The following VWF variants were observed in gnomAD, a reference collection of about 807,000 sequenced individuals.
The protein encoded by VWF is Factor VIII related antigen.
VWF carries 176 observed loss-of-function variants against 308.6 expected under a neutral mutation model. That is an observed-to-expected ratio of 0.57 (90% confidence interval 0.50 to 0.65). The LOEUF (loss-of-function observed/expected upper bound fraction) is 0.65, where lower values mean the gene tolerates loss of function less well. Among genes scored for constraint, VWF ranks in the 30% least tolerant of loss-of-function variants. VWF has a pLI of 0.00. For synonymous variants in VWF, 1,385 were observed against 1,443.4 expected (o/e 0.96, Z 0.92); for missense variants, 3,146 against 3,648.2 (o/e 0.86, Z 3.55).
chr12:6,009,620 C>A (rs1943969347), intron 34 of VWF, among the ~76,000 whole-genome samples: 1 of 152,196 alleles, frequency 6.6e-6, no homozygotes, highest in Admixed American at 6.5e-5. Flanking sequence ...AATCCCACTT[C>A]TGGGTATTCA....
At chr12:5,964,324 C>A (rs969696104) in intron 47 of VWF, among the ~76,000 whole-genome samples, 1 of 133,068 alleles carries the variant, frequency 7.5e-6, no homozygotes, top group African/African-American at 2.9e-5. Flanking sequence ...CTACCATCTA[C>A]TGTCTCATCA....
chr12:6,047,855 C>T (rs193140532), intron 16 of VWF, among the ~76,000 whole-genome samples: 2 of 152,376 alleles, frequency 1.3e-5, no homozygotes, highest in East Asian at 1.9e-4. Context: ...TTGTCACCTG[C>T]TCCTTACCAC....
rs1000792103 is a variant in VWF, at chr12:6,011,882, T to C, written c.5665-88A>G. 7.0e-6 allele frequency: 10 copies of C among 1,431,720 alleles called. No homozygotes were observed. The African/African-American group carries it at 1.0e-4, about 14-fold the overall frequency. The allele number at this position is 1,431,720 out of a possible 1,614,324, so 88.7% of individuals were successfully genotyped here. A position where few individuals can be genotyped will look rare whatever the true frequency, so the allele number is the denominator to read the frequency against. On this transcript the variant is annotated intron_variant, in intron 33 of 51. Transcript: ENST00000261405. ...TCTGCCAGACAACTGACCCCTAGAA[T>C]TGAACACAGGCCTACACAGCAAGGA...
chr12:6,045,090 C>A (rs1397511279), intron 17 of VWF, among the ~76,000 whole-genome samples: 1 of 152,180 alleles, frequency 6.6e-6, no homozygotes, highest in Non-Finnish European at 1.5e-5. Flanking sequence ...AGCCACTGGG[C>A]CCACTAGAAC....
rs1346901019 is a variant in VWF at position 6,103,445 on chromosome 12, T to C, written c.532+6929A>G. ...GTGTATACACACGTGTGTATATACA[T>C]ACACATATATGTGTATATACACATA... On this transcript the variant is annotated intron_variant, in intron 5 of 51. Coordinates refer to ENST00000261405, the MANE Select transcript of VWF (RefSeq NM_000552.5). Among the ~76,000 whole-genome samples the C allele has an allele frequency of 1.6e-4, 16 of 101,724 alleles. 1 individual carries two copies. The highest frequency in any genetic ancestry group is 4.3e-3 in the Middle Eastern group (1 of 230). The allele number at this position is 101,724 out of a possible 152,430, so 66.7% of individuals were successfully genotyped here.
intron 50 of VWF, among the ~76,000 whole-genome samples, chr12:5,951,055 T>C (rs986262640): frequency 6.7e-5 from 10 of 148,350 alleles, no homozygotes; most frequent in African/African-American, 2.4e-4. Flanking sequence ...CATGGACCTG[T>C]GAACCCAGGG....
rs535330734 is a variant in VWF at position 6,084,301 on chromosome 12, C to A, written c.658-8750G>T. Among the ~76,000 whole-genome samples, 3 of 152,330 alleles carry A rather than the reference C, an allele frequency of 2.0e-5. No homozygotes were observed. The East Asian group carries it at 5.8e-4, about 29-fold the overall frequency. ...CAAAACAAGGGCCAGCTAATTTGCACACTTCCAGCATCTCCCTGGCTCCAA... is the reference window on the plus strand; with the variant it reads ...CAAAACAAGGGCCAGCTAATTTGCAAACTTCCAGCATCTCCCTGGCTCCAA... On this transcript the variant is annotated intron_variant, in intron 6 of 51. Transcript: ENST00000261405.
chr12:6,055,513 G>C (rs1050310816), intron 15 of VWF, among the ~76,000 whole-genome samples: 1 of 152,090 alleles, frequency 6.6e-6, no homozygotes, highest in African/African-American at 2.4e-5. Context: ...CCCAGAGCTG[G>C]AGGAATGGGG....
intron 6 of VWF, among the ~76,000 whole-genome samples, chr12:6,082,420 A>C (rs1486074089): frequency 6.6e-6 from 1 of 152,196 alleles, no homozygotes; most frequent in Non-Finnish European, 1.5e-5. Flanking sequence ...ATTTTTTAAG[A>C]GTATACAGGG....
intron 3 of VWF, among the ~76,000 whole-genome samples, 194 bp from the exon 4 acceptor site, chr12:6,111,162 G>A (rs762517823): frequency 6.6e-6 from 1 of 152,016 alleles, no homozygotes; most frequent in African/African-American, 2.4e-5. Context: ...AATAATTATT[G>A]AGTGACTTCT....
intron 5 of VWF, chr12:6,096,094 AGGATGGATGGATAGAT>A (rs1215927156): frequency 2.0e-4 from 34 of 173,184 alleles, no homozygotes; most frequent in African/African-American, 8.1e-4. Context: ...AGACTGAAGA[AGGATGGATGGATAGAT>A]GGATGGATGG....
intron 34 of VWF, among the ~76,000 whole-genome samples, chr12:6,008,349 T>C (rs1006599690): frequency 6.6e-6 from 1 of 152,104 alleles, no homozygotes; most frequent in African/African-American, 2.4e-5. Context: ...ATCCCTCAGA[T>C]AGGAGAATGG....
intron 44 of VWF, among the ~76,000 whole-genome samples, chr12:5,969,983 G>A (rs1329354535): frequency 6.6e-6 from 1 of 152,194 alleles, no homozygotes; most frequent in Non-Finnish European, 1.5e-5. Context: ...TGCCCTCTGT[G>A]TCGGCCAGCA....
chr12:6,058,209 G>A lies in VWF; in HGVS notation c.1534-165C>T, dbSNP rs1257110402. On this transcript the variant is annotated intron_variant, in intron 13 of 51. Transcript: ENST00000261405. This position sits in a 1 kb window ranked among gnomAD's most constrained non-coding sequence, Gnocchi z 4.9. ...GCCCTAGGCTGCAAAAGGGGGGGCG[G>A]GGGAAAGTGAACTGCAGTGTAAATT... Among the ~76,000 whole-genome samples the A allele has an allele frequency of 6.6e-6, 1 of 152,206 alleles. No homozygotes were observed. The highest frequency in any genetic ancestry group is 1.5e-5 in the Non-Finnish European group (1 of 68,038).
chr12:6,017,131 T>C (rs1290961363), intron 28 of VWF, among the ~76,000 whole-genome samples: 1 of 152,174 alleles, frequency 6.6e-6, no homozygotes, highest in African/African-American at 2.4e-5. Flanking sequence ...AGTTTAAATG[T>C]CTACAAATAA....
At chr12:5,964,043 T>TA (rs770305950) in intron 47 of VWF, among the ~76,000 whole-genome samples, 1 of 151,782 alleles carries the variant, frequency 6.6e-6, no homozygotes, top group Non-Finnish European at 1.5e-5. Context: ...CCGTCTCTAC[T>TA]AAAAATACAA....
chr12:5,952,254 C>G, intron 49 of VWF, 137 bp downstream of exon 49: 1 of 1,253,644 alleles, frequency 8.0e-7, no homozygotes. Context: ...ATTTCGTAAT[C>G]TCACTGATTC....
intron 47 of VWF, among the ~76,000 whole-genome samples, chr12:5,967,154 T>C (rs2136353859): frequency 6.6e-6 from 1 of 152,324 alleles, no homozygotes; most frequent in Middle Eastern, 3.4e-3. Context: ...TGACTAATTT[T>C]TAATATTTTC....
chr12:5,994,249 G>A (rs1943781690), intron 36 of VWF, 46 bp from the exon 37 acceptor site: 2 of 1,609,768 alleles, frequency 1.2e-6, no homozygotes, highest in African/African-American at 1.3e-5. Flanking sequence ...AGTGGCCCTG[G>A]GTACAAAAAC....
Sources: allele counts gnomAD v4.1 joint callset (sites outside exome capture counted in the v4.1 genomes callset), GRCh38; gene constraint gnomAD v4.1.1; non-coding constraint Gnocchi (gnomAD v3.1); transcripts MANE v1.5; gene names NCBI Gene and HGNC (gene_info 2026-07-23, HGNC 2026-07-21).